LZTS1: variants seen among roughly 807,000 people sequenced by gnomAD.
LZTS1 encodes leucine zipper tumor suppressor 1.
In LZTS1, 31 loss-of-function variants were observed where a neutral mutation model predicts 45.8. The ratio of observed to expected loss-of-function variants is 0.68; its 90% CI spans 0.51 to 0.91. The LOEUF is 0.91. LZTS1 is among the 40% of genes least tolerant of loss of function. LZTS1 has a pLI of 0.00. For missense variants in LZTS1, 821 were observed against 788.9 expected, an observed-to-expected ratio of 1.04 and a Z score of -0.49; for synonymous variants, 359 against 357.3, an observed-to-expected ratio of 1.00 and a Z score of -0.05.
chr8:20,275,444 TCC>T (rs1339299458), intron 1 of LZTS1, among the ~76,000 whole-genome samples: 7 of 148,046 alleles, frequency 4.7e-5, no homozygotes, highest in African/African-American at 1.7e-4. Flanking sequence ...ATGGGTTAGC[TCC>T]CAGCCTTACT....
intron 1 of LZTS1, among the ~76,000 whole-genome samples, chr8:20,275,056 G>C (rs750592612): frequency 1.3e-5 from 2 of 152,022 alleles, no homozygotes; most frequent in Non-Finnish European, 2.9e-5. Flanking sequence ...CAGTGGGTGG[G>C]GGACAGATAC....
intron 1 of LZTS1, among the ~76,000 whole-genome samples, chr8:20,279,684 A>AC (rs1800650250): frequency 6.7e-6 from 1 of 148,508 alleles, no homozygotes; most frequent in African/African-American, 2.5e-5. Flanking sequence ...CCTGTCTCAA[A>AC]AAAAAAAAAA....
At chr8:20,255,435 C>T (rs1438075181) in intron 1 of LZTS1, 120 bp from the exon 2 acceptor site, 4 of 593,346 alleles carry the variant, frequency 6.7e-6, no homozygotes, top group Non-Finnish European at 1.1e-5. Flanking sequence ...ACTGTCTCCA[C>T]CACCGGGTGC....
At position 20,303,918 on chromosome 8, in the gene LZTS1, G is replaced by T. The variant is rs1801127472; in HGVS notation, c.-313C>A. On this transcript the variant is annotated 5_prime_UTR_variant, in exon 1 of 4. Transcript: ENST00000381569. ...GGGCAGAGAAACTTTCGGCCTCCCCGCCCGGCCGCTGCCAACCCGCCAGCT... is the reference window on the plus strand; with the variant it reads ...GGGCAGAGAAACTTTCGGCCTCCCCTCCCGGCCGCTGCCAACCCGCCAGCT... 2 of 983,768 alleles carry T rather than the reference G, an allele frequency of 2.0e-6. No homozygotes were observed. The highest frequency in any genetic ancestry group is 2.4e-6 in the Non-Finnish European group (2 of 829,342). 60.9% of individuals were successfully genotyped at this position (983,768 alleles called of 1,614,324 possible). A position where few individuals can be genotyped will look rare whatever the true frequency, so the allele number is the denominator to read the frequency against.
intron 1 of LZTS1, among the ~76,000 whole-genome samples, chr8:20,256,209 C>CTGGCTTCT (rs1344213462): frequency 6.6e-6 from 1 of 151,926 alleles, no homozygotes; most frequent in East Asian, 1.9e-4. Flanking sequence ...TGTGTGAGAC[C>CTGGCTTCT]CACATGGGAA....
intron 1 of LZTS1, among the ~76,000 whole-genome samples, chr8:20,291,272 T>C (rs1336245589): frequency 6.6e-6 from 1 of 152,008 alleles, no homozygotes; most frequent in Non-Finnish European, 1.5e-5. Flanking sequence ...GGTAAGGAGG[T>C]AGCTCCGCAG....
chr8:20,260,812 G>A (rs1800212812), intron 1 of LZTS1, among the ~76,000 whole-genome samples: 1 of 152,210 alleles, frequency 6.6e-6, no homozygotes, highest in Non-Finnish European at 1.5e-5. Context: ...GTCCTCCTGA[G>A]AGCATTCCTA....
Position 20,253,572 on chromosome 8 carries a change from C to T in LZTS1, c.359G>A (p.Gly120Asp), listed in dbSNP as rs764908547. 1 of 1,461,334 alleles carries T rather than the reference C, an allele frequency of 6.8e-7. No homozygotes were observed. The highest frequency in any genetic ancestry group is 2.6e-5 in the Admixed American group (1 of 38,654). 90.5% of individuals were successfully genotyped at this position (1,461,334 alleles called of 1,614,324 possible). A position where few individuals can be genotyped will look rare whatever the true frequency, so the allele number is the denominator to read the frequency against. Reference protein sequence around the residue: ...SNQLEMGSEKGAVRPTAFKPV... With the variant: ...SNQLEMGSEKDAVRPTAFKPV... Reference sequence around the variant, plus strand: ...CTTGAAGGCTGTGGGCCTCACTGCACCCTTCTCGGAGCCCTGTAGAGGAAA... The same window carrying T: ...CTTGAAGGCTGTGGGCCTCACTGCATCCTTCTCGGAGCCCTGTAGAGGAAA... Residue 120 changes from glycine to aspartate, a missense_variant, in exon 3 of 4, where the codon GGT becomes GAT. Physicochemically the swap from Gly to Asp is moderately conservative, Grantham distance 94. Coordinates refer to ENST00000381569, the MANE Select transcript of LZTS1 (RefSeq NM_021020.5).
intron 1 of LZTS1, among the ~76,000 whole-genome samples, chr8:20,267,891 C>G (rs997390524): frequency 1.3e-5 from 2 of 152,190 alleles, no homozygotes; most frequent in African/African-American, 4.8e-5. Flanking sequence ...ACCGACGGAT[C>G]TGCTGTATCA....
intron 1 of LZTS1, among the ~76,000 whole-genome samples, chr8:20,259,524 T>C (rs888162258): frequency 1.3e-5 from 2 of 152,182 alleles, no homozygotes; most frequent in Non-Finnish European, 2.9e-5. Context: ...GTCCAGGTCA[T>C]AGCACTTCCT....
At chr8:20,300,504 T>A (rs1056198055) in intron 1 of LZTS1, among the ~76,000 whole-genome samples, 1 of 152,036 alleles carries the variant, frequency 6.6e-6, no homozygotes, top group Non-Finnish European at 1.5e-5. Flanking sequence ...GGCTAATTTT[T>A]TGTATTTTTA....
At chr8:20,296,719 G>A (rs1267035243) in intron 1 of LZTS1, among the ~76,000 whole-genome samples, 1 of 152,168 alleles carries the variant, frequency 6.6e-6, no homozygotes, top group African/African-American at 2.4e-5. Context: ...GTGTATGTGT[G>A]CGTGTGTGCA....
intron 1 of LZTS1, among the ~76,000 whole-genome samples, chr8:20,274,761 G>A (rs1168879709): frequency 6.6e-6 from 1 of 152,240 alleles, no homozygotes; most frequent in East Asian, 1.9e-4. Context: ...TTTCTGGGAT[G>A]TGGGATGTCA....
chr8:20,291,208 C>T lies in LZTS1; in HGVS notation c.-135+12532G>A, dbSNP rs189536109. ...GTGATCAAGGTACCAACGACTCCTT[C>T]CCATACTGTTTCCAGTTAAACCGTC... On this transcript the variant is annotated intron_variant, in intron 1 of 3. Coordinates refer to ENST00000381569, the MANE Select transcript of LZTS1 (RefSeq NM_021020.5). 1.3e-3 allele frequency among the ~76,000 whole-genome samples: 197 copies of T among 152,328 alleles called. 1 individual carries two copies. Among genetic ancestry groups the T allele is most frequent in the Non-Finnish European group, 1.9e-3 (132 of 68,032 alleles).
chr8:20,255,261 G>T lies in LZTS1; in HGVS notation c.-80C>A. The T allele has an allele frequency of 1.3e-6, 2 of 1,510,578 alleles. No homozygotes were observed. The highest frequency in any genetic ancestry group is 4.7e-5 in the East Asian group (2 of 42,932). The allele number at this position is 1,510,578 out of a possible 1,614,324, so 93.6% of individuals were successfully genotyped here. ...GGCAGCAAGGGGCAGTCGTGGCTCC[G>T]TGAGGGGACTGAGGTCATAGCAAAG... On this transcript the variant is annotated 5_prime_UTR_variant, in exon 2 of 4. Coordinates refer to ENST00000381569, the MANE Select transcript of LZTS1 (RefSeq NM_021020.5).
chr8:20,286,207 A>T (rs182802472), intron 1 of LZTS1, among the ~76,000 whole-genome samples: 1 of 152,354 alleles, frequency 6.6e-6, no homozygotes, highest in East Asian at 1.9e-4. Context: ...AAGGCATGCC[A>T]TAGAATAGAA....
Position 20,252,803 on chromosome 8 carries a change from C to T in LZTS1, c.1128G>A (p.Ala376=), listed in dbSNP as rs772680970. ...TCACCTCCCACTGGGTCTCCTCCAG[C>T]GCGGGGCCGAAGCTGGTCTTCTCCC... ...YEREKTSFGP[A]LEETQWEVCQ... Residue 376 remains alanine, a synonymous_variant, in exon 3 of 4, where the codon GCG becomes GCA. Coordinates refer to ENST00000381569, the MANE Select transcript of LZTS1 (RefSeq NM_021020.5). 6.5e-6 allele frequency: 10 copies of T among 1,527,562 alleles called. No homozygotes were observed. The South Asian group carries it at 7.6e-5, about 12-fold the overall frequency. The allele number at this position is 1,527,562 out of a possible 1,614,324, so 94.6% of individuals were successfully genotyped here.
chr8:20,255,284 A>C lies in LZTS1; in HGVS notation c.-103T>G. The C allele has an allele frequency of 6.8e-7, 1 of 1,466,474 alleles. No individual in the cohort carries two copies. The allele number at this position is 1,466,474 out of a possible 1,614,324, so 90.8% of individuals were successfully genotyped here. On this transcript the variant is annotated 5_prime_UTR_variant, in exon 2 of 4. Transcript: ENST00000381569. ...CCGTGAGGGGACTGAGGTCATAGCAAAGCCCTCACAGAGCCTGCGAGAGCC... is the reference window on the plus strand; with the variant it reads ...CCGTGAGGGGACTGAGGTCATAGCACAGCCCTCACAGAGCCTGCGAGAGCC...
intron 1 of LZTS1, among the ~76,000 whole-genome samples, chr8:20,297,980 T>C (rs1396477017): frequency 6.6e-6 from 1 of 152,192 alleles, no homozygotes; most frequent in Non-Finnish European, 1.5e-5. Flanking sequence ...AGCCCAACAT[T>C]GGGACTCAGA....
Sources: gnomAD v4.1 joint callset for allele counts (sites outside exome capture counted in the v4.1 genomes callset) on GRCh38, gnomAD v4.1.1 for gene constraint, MANE v1.5 for transcripts, NCBI Gene and HGNC (gene_info 2026-07-23, HGNC 2026-07-21) for gene names.